The following HHIPL1 variants were observed in gnomAD, a reference collection of about 807,000 sequenced individuals.
HHIPL1 encodes HHIP like 1.
HHIPL1 carries 43 observed loss-of-function variants against 61.8 expected under a neutral mutation model. That is an observed-to-expected ratio of 0.70 (90% CI 0.55 to 0.90). HHIPL1 has a LOEUF of 0.90. HHIPL1 is among the 40% of genes least tolerant of loss of function. HHIPL1 has a pLI of 0.00. For synonymous variants in HHIPL1, 482 were observed against 515.8 expected (o/e 0.93, Z 0.89); for missense variants, 1,056 against 1,157.7 (o/e 0.91, Z 1.28).
chr14:99,669,267 C>T, intron 7 of HHIPL1: 1 of 1,063,400 alleles, frequency 9.4e-7, no homozygotes, highest in Non-Finnish European at 1.1e-6. Flanking sequence ...AATGAGTGAT[C>T]AGCTTTCTAA....
chr14:99,623,780 C>T, the HHIPL1 span, among the ~76,000 whole-genome samples: 2 of 152,098 alleles, frequency 1.3e-5, no homozygotes, highest in East Asian at 3.9e-4. Context: ...GCCAGACTCC[C>T]CTCCCGAGCC....
At chr14:99,637,678 C>T in the HHIPL1 span, among the ~76,000 whole-genome samples, 3 of 152,156 alleles carry the variant, frequency 2.0e-5, no homozygotes, top group Admixed American at 6.5e-5. Flanking sequence ...TGCACACAGT[C>T]GCCTTCAGGA....
At chr14:99,619,614 G>A in the HHIPL1 span, among the ~76,000 whole-genome samples, 1 of 152,144 alleles carries the variant, frequency 6.6e-6, no homozygotes, top group East Asian at 1.9e-4. Flanking sequence ...CCACCTCTGA[G>A]TTCTGGAACA....
intron 6 of HHIPL1, among the ~76,000 whole-genome samples, chr14:99,667,220 T>C (rs2056260073): frequency 6.6e-6 from 1 of 152,128 alleles, no homozygotes; most frequent in Non-Finnish European, 1.5e-5. Flanking sequence ...CATCCAATAT[T>C]GGTGTGGGGC....
the HHIPL1 span, among the ~76,000 whole-genome samples, chr14:99,617,882 G>A: frequency 6.6e-6 from 1 of 152,162 alleles, no homozygotes; most frequent in Non-Finnish European, 1.5e-5. Context: ...AGGTGGGCAG[G>A]GATGACTGTG....
In HHIPL1 at chr14:99,675,962, G is replaced by A; in HGVS notation, c.*336G>A. On this transcript the variant is annotated 3_prime_UTR_variant, in exon 9 of 9. Coordinates refer to ENST00000330710, the MANE Select transcript of HHIPL1 (RefSeq NM_001127258.3). The surrounding 1 kb of genome is among the most constrained non-coding windows in gnomAD (Gnocchi z 5.4). ...GGGAGGGCAGCCAGGCTTCGAGGAC[G>A]GACATGGCCCCTGGCTGTGCTAACA... The A allele has an allele frequency of 3.3e-6, 1 of 300,660 alleles. No homozygotes were observed. The highest frequency in any genetic ancestry group is 5.0e-5 in the Admixed American group (1 of 19,942). 18.6% of individuals were successfully genotyped at this position (300,660 alleles called of 1,614,324 possible).
chr14:99,638,044 G>A, the HHIPL1 span, among the ~76,000 whole-genome samples: 3 of 152,206 alleles, frequency 2.0e-5, no homozygotes, highest in East Asian at 5.8e-4. Flanking sequence ...GGTGAAGTCT[G>A]GTGGTGTGTT....
the HHIPL1 span, among the ~76,000 whole-genome samples, chr14:99,627,832 G>A: frequency 6.6e-5 from 10 of 152,168 alleles, no homozygotes; most frequent in Non-Finnish European, 1.0e-4. This position sits in a 1 kb window ranked among gnomAD's most constrained non-coding sequence, Gnocchi z 4.4. Flanking sequence ...GGATGAGAAA[G>A]GAACATTTGG....
chr14:99,629,954 G>A, the HHIPL1 span, among the ~76,000 whole-genome samples: 3 of 152,288 alleles, frequency 2.0e-5, no homozygotes, highest in African/African-American at 7.2e-5. Context: ...ACAGGAGGCC[G>A]CTTGACAACT....
At position 99,645,376 on chromosome 14, in the gene HHIPL1, AC is replaced by A; in HGVS notation, c.172del (p.Arg58AlafsTer118). The A allele has an allele frequency of 7.0e-7, 1 of 1,432,404 alleles. No individual in the cohort carries two copies. The highest frequency in any genetic ancestry group is 1.4e-5 in the South Asian group (1 of 70,454). 88.7% of individuals were successfully genotyped at this position (1,432,404 alleles called of 1,614,324 possible). On this transcript the variant is annotated frameshift_variant, in exon 1 of 9. Transcript: ENST00000330710. LOFTEE classifies it high-confidence loss of function. ...CGATGAGGGGCGCGACGCCGAGCTG[AC>A]CCGCCGCTTCTGGGCCCTGGCGAGC... ...CCDEGRDAEL[T>X]RRFWALASRV...
chr14:99,637,665 A>G, the HHIPL1 span, among the ~76,000 whole-genome samples: 3 of 152,280 alleles, frequency 2.0e-5, no homozygotes, highest in Admixed American at 6.5e-5. Flanking sequence ...TCTCTGTGGA[A>G]CCTGCACACA....
chr14:99,662,747 G>A, intron 5 of HHIPL1, 129 bp from the exon 6 acceptor site: 7 of 850,250 alleles, frequency 8.2e-6, no homozygotes, highest in Non-Finnish European at 1.3e-5. Flanking sequence ...TAGATGGATG[G>A]TGGAAGGATG....
Position 99,668,352 on chromosome 14 carries a change from CTT to C in HHIPL1, c.1730+50_1730+51del. 1 of 1,119,964 alleles carries C rather than the reference CTT, an allele frequency of 8.9e-7. No individual in the cohort carries two copies. Among genetic ancestry groups the C allele is most frequent in the South Asian group, 1.2e-5 (1 of 81,202 alleles). The allele number at this position is 1,119,964 out of a possible 1,614,324, so 69.4% of individuals were successfully genotyped here. ...GGAGCTCCTGCTGTCTGTCAGGCCT[CTT>C]AGCTCCACGGGCTTGTCCCCTCCGC... is the stretch of plus-strand genomic sequence containing the variant. On this transcript the variant is annotated intron_variant, in intron 7 of 8. Transcript: ENST00000330710. The surrounding 1 kb of genome is among the most constrained non-coding windows in gnomAD (Gnocchi z 4.7).
At chr14:99,656,272 GAAAC>G (rs920754309) in intron 2 of HHIPL1, among the ~76,000 whole-genome samples, 3 of 152,182 alleles carry the variant, frequency 2.0e-5, no homozygotes, top group South Asian at 2.1e-4. Flanking sequence ...ATGGAGAGCA[GAAAC>G]AAACAAAACA....
intron 6 of HHIPL1, among the ~76,000 whole-genome samples, chr14:99,664,244 A>G (rs1566814525): frequency 6.6e-6 from 1 of 152,008 alleles, no homozygotes; most frequent in African/African-American, 2.4e-5. Context: ...TGCCCGGCTC[A>G]GTGCCCAGAG....
rs567071448 is a variant in HHIPL1, at chr14:99,678,764, C to T, written c.*3138C>T. ...TTAAAGTATAAGGACATAGAACGTA[C>T]TATGTGCCTGTGAGCACGTCTAACA... On this transcript the variant is annotated 3_prime_UTR_variant, in exon 9 of 9. Transcript: ENST00000330710. The T allele has an allele frequency of 6.6e-6, 1 of 152,262 alleles. No individual in the cohort carries two copies. Among genetic ancestry groups the T allele is most frequent in the Non-Finnish European group, 1.5e-5 (1 of 68,036 alleles). The allele number at this position is 152,262 out of a possible 1,614,324, so 9.4% of individuals were successfully genotyped here.
the HHIPL1 span, among the ~76,000 whole-genome samples, chr14:99,604,826 C>G: frequency 6.6e-6 from 1 of 152,170 alleles, no homozygotes; most frequent in African/African-American, 2.4e-5. Context: ...ACACAGCGAA[C>G]AATAGGACTG....
chr14:99,619,386 C>T, the HHIPL1 span, among the ~76,000 whole-genome samples: 2 of 150,904 alleles, frequency 1.3e-5, no homozygotes, highest in Non-Finnish European at 3.0e-5. Flanking sequence ...TGCTTGAACC[C>T]GGGAGGCAGA....
chr14:99,662,893 A>T lies in HHIPL1; in HGVS notation c.1520A>T (p.Gln507Leu). ...CTTTGCAGGCGTCTGATGTCCCTCC[A>T]AGAGAACCCAGGGACAGGCCAGTGG... ...DFMSGRLMSL[Q>L]ENPGTGQWQY... is the part of the protein sequence containing the mutation. The change falls in exon 6 of 9, where the codon CAA (glutamine) becomes CTA (leucine). Residue 507 changes from glutamine to leucine, a missense_variant. Coordinates refer to ENST00000330710, the MANE Select transcript of HHIPL1 (RefSeq NM_001127258.3). 1 of 1,606,674 alleles carries T rather than the reference A, an allele frequency of 6.2e-7. No homozygotes were observed. The highest frequency in any genetic ancestry group is 2.2e-5 in the East Asian group (1 of 44,696).
Sources: gnomAD v4.1 joint callset for allele counts (sites outside exome capture counted in the v4.1 genomes callset) on GRCh38, gnomAD v4.1.1 for gene constraint, Gnocchi (gnomAD v3.1) non-coding constraint, MANE v1.5 for transcripts, NCBI Gene and HGNC (gene_info 2026-07-23, HGNC 2026-07-21) for gene names.